The following SELENOI variants were observed in gnomAD, a reference collection of about 807,000 sequenced individuals.
SELENOI encodes selenoprotein I, also known as ethanolaminephosphotransferase 1.
In SELENOI, 24 loss-of-function variants were observed where a neutral mutation model predicts 50.7. That is an observed-to-expected ratio of 0.47 (90% CI 0.34 to 0.67). The LOEUF is 0.67. Ranked by LOEUF, SELENOI falls within the 30% of genes least tolerant of loss-of-function variation. The pLI, the probability that SELENOI is intolerant of heterozygous loss-of-function variation, is 0.01. For missense variants in SELENOI, 352 were observed against 461.4 expected (o/e 0.76, Z 2.17); for synonymous variants, 155 against 170.2 (o/e 0.91, Z 0.70).
intron 3 of SELENOI, 64 bp from the exon 4 acceptor site, chr2:26,367,082 A>G (rs1677299658): frequency 3.7e-6 from 5 of 1,360,560 alleles, no homozygotes; most frequent in Admixed American, 2.1e-5. Context: ...CACTGTCAGT[A>G]TATGCTATGG....
Position 26,382,427 on chromosome 2 carries a change from G to T in SELENOI, c.683-872G>T, listed in dbSNP as rs140891912. Among the ~76,000 whole-genome samples, 508 of 152,180 alleles carry T rather than the reference G, an allele frequency of 3.3e-3. 4 individuals carry two copies. The highest frequency in any genetic ancestry group is 0.012 in the African/African-American group (488 of 41,546). ...CCAAGGCATTTCACTTAGCAGTCAG[G>T]AATGAAAAAACGATACTGAATTTGA... On this transcript the variant is annotated intron_variant, in intron 6 of 9. Coordinates refer to ENST00000260585, the MANE Select transcript of SELENOI (RefSeq NM_033505.4).
chr2:26,364,811 A>G lies in SELENOI; in HGVS notation c.127-21A>G, dbSNP rs188383291. The G allele has an allele frequency of 1.0e-4, 155 of 1,542,144 alleles. No homozygotes were observed. The African/African-American group carries it at 2.0e-3, about 20-fold the overall frequency. Reference sequence around the variant, plus strand: ...GAGATTCCTCTACTTTAATTATTTTATAATTATTTTGCAAAAATAGGTATT... The same window carrying G: ...GAGATTCCTCTACTTTAATTATTTTGTAATTATTTTGCAAAAATAGGTATT... On this transcript the variant is annotated intron_variant, in intron 2 of 9. Coordinates refer to ENST00000260585, the MANE Select transcript of SELENOI (RefSeq NM_033505.4).
At chr2:26,364,978 GA>G in intron 3 of SELENOI, 38 bp downstream of exon 3, 4 of 1,385,986 alleles carry the variant, frequency 2.9e-6, no homozygotes, top group Admixed American at 2.4e-5. Context: ...TAACTGAGTA[GA>G]AAAAAATGAA....
intron 1 of SELENOI, among the ~76,000 whole-genome samples, chr2:26,347,179 T>A (rs1676805752): frequency 6.6e-6 from 1 of 152,168 alleles, no homozygotes; most frequent in Non-Finnish European, 1.5e-5. Flanking sequence ...CATCTTCACA[T>A]CTTAGCTTAA....
rs577064779 is a variant in SELENOI, at chr2:26,357,671, C to T, written c.58-6631C>T. Among the ~76,000 whole-genome samples the T allele has an allele frequency of 9.8e-5, 15 of 152,298 alleles. 1 individual carries two copies. In the South Asian group the frequency reaches 1.7e-3, roughly 17 times the overall value. On this transcript the variant is annotated intron_variant, in intron 1 of 9. Coordinates refer to ENST00000260585, the MANE Select transcript of SELENOI (RefSeq NM_033505.4). ...CCCTCCCTCTTCATATGGCCTTCTT[C>T]CCTGTGTTTCTGTCCCCTTGTCCTC...
intron 1 of SELENOI, among the ~76,000 whole-genome samples, chr2:26,359,596 T>C (rs1677133500): frequency 6.6e-6 from 1 of 152,012 alleles, no homozygotes; most frequent in Non-Finnish European, 1.5e-5. Context: ...TGAGCTGAGA[T>C]CACACCACTG....
At chr2:26,367,244 T>C (rs1677304878) in intron 4 of SELENOI, 24 bp downstream of exon 4, 1 of 1,572,446 alleles carries the variant, frequency 6.4e-7, no homozygotes. Flanking sequence ...AAATACTTAC[T>C]ATAGTCAGTG....
chr2:26,370,971 C>G (rs1360033000), intron 4 of SELENOI, among the ~76,000 whole-genome samples: 1 of 136,368 alleles, frequency 7.3e-6, no homozygotes, highest in African/African-American at 2.7e-5. Context: ...GCTGGCCGGG[C>G]GGGGGGCTGA....
chr2:26,350,149 T>C (rs1285078246), intron 1 of SELENOI, among the ~76,000 whole-genome samples: 1 of 151,486 alleles, frequency 6.6e-6, no homozygotes, highest in African/African-American at 2.4e-5. Context: ...TATAGTTTCA[T>C]GATGAACTGG....
intron 1 of SELENOI, among the ~76,000 whole-genome samples, chr2:26,358,014 C>T (rs917136185): frequency 1.3e-5 from 2 of 152,160 alleles, no homozygotes; most frequent in African/African-American, 4.8e-5. Flanking sequence ...TTGCCTGTCG[C>T]CAAGTAAGAC....
At chr2:26,377,950 G>T (rs1027182135) in intron 6 of SELENOI, among the ~76,000 whole-genome samples, 17 of 152,106 alleles carry the variant, frequency 1.1e-4, no homozygotes, top group Admixed American at 5.2e-4. Flanking sequence ...AGGATTTTTG[G>T]TTTTTTGTTC....
At chr2:26,380,051 C>T (rs948608322) in intron 6 of SELENOI, among the ~76,000 whole-genome samples, 1 of 152,204 alleles carries the variant, frequency 6.6e-6, no homozygotes, top group Non-Finnish European at 1.5e-5. Flanking sequence ...AAAGTCACCA[C>T]TCTGTGGTTA....
At chr2:26,378,805 G>A (rs1265121086) in intron 6 of SELENOI, among the ~76,000 whole-genome samples, 1 of 152,158 alleles carries the variant, frequency 6.6e-6, no homozygotes, top group Non-Finnish European at 1.5e-5. Context: ...ATTAACAGAT[G>A]CCTTCCTTCC....
Position 26,390,150 on chromosome 2 carries a change from T to C in SELENOI, c.*1047T>C, listed in dbSNP as rs527428954. On this transcript the variant is annotated 3_prime_UTR_variant, in exon 10 of 10. Coordinates refer to ENST00000260585, the MANE Select transcript of SELENOI (RefSeq NM_033505.4). ...CCCCACTTGAAGAAAACTTTTGATA[T>C]ATATGCCTTACTGAGTACATGCCCC... 6 of 150,856 alleles carry C rather than the reference T, an allele frequency of 4.0e-5. No homozygotes were observed. The South Asian group carries it at 1.1e-3, about 27-fold the overall frequency. 9.3% of individuals were successfully genotyped at this position (150,856 alleles called of 1,614,324 possible). A position where few individuals can be genotyped will look rare whatever the true frequency, so the allele number is the denominator to read the frequency against.
chr2:26,385,407 C>A (rs1256506721), intron 8 of SELENOI, among the ~76,000 whole-genome samples: 1 of 152,084 alleles, frequency 6.6e-6, no homozygotes, highest in Non-Finnish European at 1.5e-5. Context: ...CTGAAGAATT[C>A]ATGGAAAAAA....
intron 6 of SELENOI, among the ~76,000 whole-genome samples, chr2:26,382,269 G>A (rs1677722572): frequency 6.6e-6 from 1 of 152,216 alleles, no homozygotes; most frequent in Admixed American, 6.5e-5. Flanking sequence ...GGGCACCCAG[G>A]TAGTAATATG....
intron 1 of SELENOI, among the ~76,000 whole-genome samples, chr2:26,354,708 G>A (rs1207199320): frequency 6.6e-6 from 1 of 152,012 alleles, no homozygotes; most frequent in African/African-American, 2.4e-5. Flanking sequence ...CTGTTTTTGT[G>A]TAAGATATAT....
At chr2:26,360,620 G>A (rs1431968509) in intron 1 of SELENOI, among the ~76,000 whole-genome samples, 1 of 152,118 alleles carries the variant, frequency 6.6e-6, no homozygotes, top group African/African-American at 2.4e-5. Flanking sequence ...TATCTTAAAC[G>A]GTTTTCTTCT....
At chr2:26,353,631 T>C (rs964282790) in intron 1 of SELENOI, among the ~76,000 whole-genome samples, 3 of 152,198 alleles carry the variant, frequency 2.0e-5, no homozygotes, top group Non-Finnish European at 4.4e-5. Flanking sequence ...CTAGTTGTCT[T>C]AGATAGTGAT....
Sources: allele counts gnomAD v4.1 joint callset (sites outside exome capture counted in the v4.1 genomes callset), GRCh38; gene constraint gnomAD v4.1.1; transcripts MANE v1.5; gene names NCBI Gene and HGNC (gene_info 2026-07-23, HGNC 2026-07-21).